DCAF8L2: variants seen among roughly 807,000 people sequenced by gnomAD.
The protein encoded by DCAF8L2 is DDB1 and CUL4 associated factor 8 like 2, also known as DDB1- and CUL4-associated factor 8-like protein 2.
For synonymous variants in DCAF8L2, 200 were observed against 190.9 expected, an observed-to-expected ratio of 1.05 and a Z score of -0.39; for missense variants, 430 against 490.7, an observed-to-expected ratio of 0.88 and a Z score of 1.17.
At chrX:27,687,812 T>G (rs1930566149) in intron 3 of DCAF8L2, among the ~76,000 whole-genome samples, 1 of 112,123 alleles carries the variant, frequency 8.9e-6, no homozygotes, top group South Asian at 3.7e-4. Context: ...GGTGACAGAC[T>G]GAGACCCTGT....
the DCAF8L2 span, among the ~76,000 whole-genome samples, chrX:27,517,150 A>T: frequency 8.9e-6 from 1 of 112,099 alleles, no homozygotes. Flanking sequence ...TGGATTAAAA[A>T]AACTAACCAC....
intron 2 of DCAF8L2, among the ~76,000 whole-genome samples, chrX:27,664,919 A>G (rs1929688596): frequency 9.0e-6 from 1 of 111,556 alleles, no homozygotes; most frequent in African/African-American, 3.3e-5. Context: ...GATTTCTTTC[A>G]AAACATTACT....
Position 27,722,485 on chromosome X carries a change from T to C in DCAF8L2, c.-59+6314T>C, listed in dbSNP as rs1372462024. 2.7e-5 allele frequency among the ~76,000 whole-genome samples: 3 copies of C among 111,739 alleles called. No homozygotes were observed. In the Admixed American group the frequency reaches 2.9e-4, roughly 11 times the overall value. On this transcript the variant is annotated intron_variant, in intron 4 of 4. Coordinates refer to ENST00000451261, the MANE Select transcript of DCAF8L2 (RefSeq NM_001353450.2). Reference sequence around the variant, plus strand: ...GCAAATATTATTCTATAATTAAGAATGTATAATTCACATTCAGTAGAAAGC... The same window carrying C: ...GCAAATATTATTCTATAATTAAGAACGTATAATTCACATTCAGTAGAAAGC...
At chrX:27,586,995 CAACTTT>C (rs1370146825), upstream of DCAF8L2, among the ~76,000 whole-genome samples, 2 of 109,783 alleles carry the variant, frequency 1.8e-5, no homozygotes, top group Non-Finnish European at 3.8e-5. Context: ...TTTTTATTTT[CAACTTT>C]ATCTTTTCCG....
At chrX:27,726,031 A>G (rs1242569845) in intron 4 of DCAF8L2, among the ~76,000 whole-genome samples, 2 of 111,565 alleles carry the variant, frequency 1.8e-5, no homozygotes, top group African/African-American at 3.2e-5. Flanking sequence ...CTATATAGCT[A>G]TACTCTCTTG....
rs193285913 is a variant in DCAF8L2 at position 27,698,815 on chromosome X, C to T, written c.-142-17273C>T. On this transcript the variant is annotated intron_variant, in intron 3 of 4. Transcript: ENST00000451261. ...AACAATTGAATTGATGCAGAGAAAG[C>T]TGGAACTAACACTTTCTGAGAACCT... Among the ~76,000 whole-genome samples, 570 of 111,979 alleles carry T rather than the reference C, an allele frequency of 5.1e-3. 1 individual carries two copies. The highest frequency in any genetic ancestry group is 0.014 in the Middle Eastern group (3 of 218).
intron 4 of DCAF8L2, among the ~76,000 whole-genome samples, chrX:27,729,910 T>C (rs1177976766): frequency 1.8e-5 from 2 of 112,072 alleles, no homozygotes; most frequent in Non-Finnish European, 3.8e-5. Flanking sequence ...CTAAGAAATG[T>C]ATCCATGGGT....
intron 1 of DCAF8L2, among the ~76,000 whole-genome samples, chrX:27,619,593 G>A (rs1394648181): frequency 8.9e-6 from 1 of 112,000 alleles, no homozygotes; most frequent in African/African-American, 3.2e-5. Context: ...GAAATTCAAA[G>A]AAGCTAGTGT....
intron 2 of DCAF8L2, among the ~76,000 whole-genome samples, chrX:27,671,843 A>G (rs923201675): frequency 1.8e-5 from 2 of 112,259 alleles, no homozygotes; most frequent in African/African-American, 3.2e-5. Context: ...TAGTATTAAT[A>G]TAATTAGGGA....
chrX:27,485,924 C>CT, the DCAF8L2 span, among the ~76,000 whole-genome samples: 7,420 of 58,684 alleles, frequency 0.13, 355 homozygotes, highest in African/African-American at 0.14. Context: ...TTCTTTTTCT[C>CT]TTTTTTTTTT....
chrX:27,622,195 C>T (rs915853188), intron 1 of DCAF8L2, among the ~76,000 whole-genome samples: 1 of 109,398 alleles, frequency 9.1e-6, no homozygotes, highest in Non-Finnish European at 1.9e-5. Flanking sequence ...GAGGCCGAGA[C>T]GGGCGGATCA....
the DCAF8L2 span, among the ~76,000 whole-genome samples, chrX:27,528,924 C>G: frequency 8.9e-6 from 1 of 111,750 alleles, no homozygotes; most frequent in African/African-American, 3.3e-5. Context: ...TACCTAATTT[C>G]TGATCCTGTA....
At chrX:27,592,417 GTT>G (rs1248208449) in intron 1 of DCAF8L2, among the ~76,000 whole-genome samples, 1 of 83,953 alleles carries the variant, frequency 1.2e-5, no homozygotes. Context: ...GTTTGTTTTT[GTT>G]TTTTTTTTTT....
the DCAF8L2 span, among the ~76,000 whole-genome samples, chrX:27,469,332 T>C: frequency 8.9e-6 from 1 of 111,855 alleles, no homozygotes; most frequent in East Asian, 2.8e-4. Flanking sequence ...ACCTTGATCA[T>C]CAAGAATAAC....
chrX:27,697,501 T>A (rs375879564), intron 3 of DCAF8L2, among the ~76,000 whole-genome samples: 1 of 111,509 alleles, frequency 9.0e-6, no homozygotes, highest in East Asian at 2.8e-4. Flanking sequence ...TATTAAAATG[T>A]GCAGAGTTGG....
the DCAF8L2 span, among the ~76,000 whole-genome samples, chrX:27,572,000 C>G: frequency 8.9e-6 from 1 of 111,826 alleles, no homozygotes; most frequent in South Asian, 3.7e-4. Flanking sequence ...CAAGCCCTGC[C>G]CAATTTCTCG....
chrX:27,520,680 A>G, the DCAF8L2 span, among the ~76,000 whole-genome samples: 4 of 112,315 alleles, frequency 3.6e-5, no homozygotes, highest in African/African-American at 1.3e-4. Context: ...TAGGCTGTAT[A>G]TAACAATATC....
At chrX:27,483,548 C>A in the DCAF8L2 span, among the ~76,000 whole-genome samples, 1 of 110,842 alleles carries the variant, frequency 9.0e-6, no homozygotes, top group African/African-American at 3.3e-5. Context: ...ATTTGAATAG[C>A]TTTCTTTCCA....
the DCAF8L2 span, among the ~76,000 whole-genome samples, chrX:27,469,510 A>G: frequency 1.5e-3 from 163 of 111,950 alleles, no homozygotes; most frequent in Middle Eastern, 9.6e-3. Context: ...TTTTCATTTT[A>G]TAAGGAGCAG....
Sources: allele counts gnomAD v4.1 joint callset (sites outside exome capture counted in the v4.1 genomes callset), GRCh38; gene constraint gnomAD v4.1.1; transcripts MANE v1.5; gene names NCBI Gene and HGNC (gene_info 2026-07-23, HGNC 2026-07-21).